The following DCLK2 variants were observed in gnomAD, a reference collection of about 807,000 sequenced individuals.
The protein encoded by DCLK2 is serine/threonine-protein kinase DCLK2.
A neutral mutation model predicts 78.4 loss-of-function variants in DCLK2; 31 were observed. That is an observed-to-expected ratio of 0.40 (90% CI 0.30 to 0.53). The LOEUF is 0.53. Among genes scored for constraint, DCLK2 ranks in the 20% least tolerant of loss-of-function variants. The pLI, the probability that DCLK2 is intolerant of heterozygous loss-of-function variation, is 0.61. For missense variants in DCLK2, 872 were observed against 973.7 expected, an observed-to-expected ratio of 0.90 and a Z score of 1.39; for synonymous variants, 407 against 374.9, an observed-to-expected ratio of 1.09 and a Z score of -0.99.
chr4:150,218,395 C>T (rs1740909240), intron 5 of DCLK2, among the ~76,000 whole-genome samples: 1 of 152,176 alleles, frequency 6.6e-6, no homozygotes, highest in South Asian at 2.1e-4. Flanking sequence ...TGAAAATGTA[C>T]ATTGAAGTAG....
chr4:150,178,136 G>A (rs1281728062), intron 2 of DCLK2, among the ~76,000 whole-genome samples: 5 of 152,120 alleles, frequency 3.3e-5, no homozygotes, highest in African/African-American at 1.2e-4. Flanking sequence ...ACGTAAATGG[G>A]GGCAGAGGTT....
At chr4:150,149,183 C>T (rs1292434334) in intron 2 of DCLK2, among the ~76,000 whole-genome samples, 1 of 152,080 alleles carries the variant, frequency 6.6e-6, no homozygotes, top group Non-Finnish European at 1.5e-5. Context: ...TCAGACCCCC[C>T]ACCCCTCAAA....
chr4:150,090,121 A>G (rs980910326), intron 1 of DCLK2, among the ~76,000 whole-genome samples: 4 of 152,162 alleles, frequency 2.6e-5, no homozygotes, highest in Non-Finnish European at 2.9e-5. Flanking sequence ...TAAACGCCCT[A>G]TGGGCTGGGC....
At chr4:150,227,832 A>G (rs966662352) in intron 8 of DCLK2, among the ~76,000 whole-genome samples, 1 of 152,212 alleles carries the variant, frequency 6.6e-6, no homozygotes, top group East Asian at 1.9e-4. Flanking sequence ...ACATGGGCCC[A>G]GGCAGGACAT....
chr4:150,250,815 C>T (rs1580801678), intron 15 of DCLK2, among the ~76,000 whole-genome samples: 1 of 150,756 alleles, frequency 6.6e-6, no homozygotes, highest in African/African-American at 2.4e-5. Flanking sequence ...GACGCAGGGT[C>T]TAGATAGAAG....
At chr4:150,184,703 G>A (rs59325226) in intron 2 of DCLK2, among the ~76,000 whole-genome samples, 5,339 of 150,834 alleles carry the variant, frequency 0.035, 288 homozygotes, top group African/African-American at 0.12. Context: ...CTGGGTTCAC[G>A]CCATTCTCCT....
rs1258687291 is a variant in DCLK2 at position 150,078,894 on chromosome 4, G to A, written c.-134G>A. 1.7e-6 allele frequency: 2 copies of A among 1,207,986 alleles called. No homozygotes were observed. Among genetic ancestry groups the A allele is most frequent in the East Asian group, 3.0e-5 (1 of 33,538 alleles). The allele number at this position is 1,207,986 out of a possible 1,614,324, so 74.8% of individuals were successfully genotyped here. On this transcript the variant is annotated 5_prime_UTR_variant, in exon 1 of 16. Coordinates refer to ENST00000296550, the MANE Select transcript of DCLK2 (RefSeq NM_001040260.4). The stretch of plus-strand genomic sequence containing the variant: ...TCCGCGGCTCCTCGGCCCCACCTGC[G>A]CGGAGAGGGCGGGATGCCAGAGCCA...
chr4:150,103,954 C>G (rs1054510743), intron 2 of DCLK2, among the ~76,000 whole-genome samples: 3 of 151,828 alleles, frequency 2.0e-5, no homozygotes, highest in African/African-American at 4.8e-5. Context: ...CAGTACAACA[C>G]AAAACACCTT....
chr4:150,094,766 C>T (rs2150143604), intron 1 of DCLK2, among the ~76,000 whole-genome samples: 1 of 152,338 alleles, frequency 6.6e-6, no homozygotes, highest in Middle Eastern at 3.4e-3. Context: ...CTGTTGTATT[C>T]CAGGTCCTGT....
intron 2 of DCLK2, among the ~76,000 whole-genome samples, chr4:150,169,342 A>C (rs1736332918): frequency 6.6e-6 from 1 of 152,212 alleles, no homozygotes; most frequent in Admixed American, 6.5e-5. Flanking sequence ...TGATTCGTAC[A>C]TCAGGCAGCC....
At chr4:150,166,123 A>C (rs1378092017) in intron 2 of DCLK2, among the ~76,000 whole-genome samples, 1 of 152,238 alleles carries the variant, frequency 6.6e-6, no homozygotes, top group African/African-American at 2.4e-5. Flanking sequence ...AGAAGACACC[A>C]GGTGTCCGAG....
Position 150,131,381 on chromosome 4 carries a change from T to TA in DCLK2, c.756+28575dup, listed in dbSNP as rs982572862. Among the ~76,000 whole-genome samples, 6 of 152,274 alleles carry TA rather than the reference T, an allele frequency of 3.9e-5. 1 individual carries two copies. The highest frequency in any genetic ancestry group is 1.4e-4 in the African/African-American group (6 of 41,540). On this transcript the variant is annotated intron_variant, in intron 2 of 15. Transcript: ENST00000296550. ...ACAAATTGCTTGTGTGGGAGGTTTTTAAAAAAGTAGATATTCTTTGTATGA... is the reference window on the plus strand; with the variant it reads ...ACAAATTGCTTGTGTGGGAGGTTTTTAAAAAAAGTAGATATTCTTTGTATGA...
At chr4:150,169,338 G>A (rs982774740) in intron 2 of DCLK2, among the ~76,000 whole-genome samples, 1 of 152,142 alleles carries the variant, frequency 6.6e-6, no homozygotes, top group Non-Finnish European at 1.5e-5. Flanking sequence ...AGAATGATTC[G>A]TACATCAGGC....
chr4:150,165,864 C>T (rs1736026228), intron 2 of DCLK2, among the ~76,000 whole-genome samples: 1 of 152,220 alleles, frequency 6.6e-6, no homozygotes, highest in South Asian at 2.1e-4. Flanking sequence ...GCAGAGCCCT[C>T]ATGAATGGAC....
chr4:150,095,363 CTG>C (rs1391637452), intron 1 of DCLK2, among the ~76,000 whole-genome samples: 6 of 152,220 alleles, frequency 3.9e-5, no homozygotes, highest in African/African-American at 9.6e-5. Flanking sequence ...ATTTCAAACT[CTG>C]TATGAATTAA....
intron 2 of DCLK2, among the ~76,000 whole-genome samples, chr4:150,179,661 A>C (rs1457167920): frequency 1.3e-5 from 2 of 152,178 alleles, no homozygotes. Flanking sequence ...TGATTTAAAA[A>C]TTTTAAAGGT....
In DCLK2 at chr4:150,256,083, C is replaced by T. The variant is rs1400965746; in HGVS notation, c.2137C>T (p.Pro713Ser). Residue 713 changes from proline to serine, a missense_variant, in exon 16 of 16, where the codon CCT becomes TCT. Around this residue, in one of 3 missense-constraint regions of DCLK2, gnomAD observed 219 missense variants for 230.1 expected, o/e 0.95. Transcript: ENST00000296550. The stretch of plus-strand genomic sequence containing the variant: ...CAAGCACTGTCAAGACAGCGGCAGG[C>T]CTGGGATGGAGCCCATCTCTCCAGT... ...CSKHCQDSGR[P>S]GMEPISPVPP... 1.2e-6 allele frequency: 2 copies of T among 1,613,110 alleles called. No homozygotes were observed. Among genetic ancestry groups the T allele is most frequent in the Non-Finnish European group, 1.7e-6 (2 of 1,179,924 alleles).
chr4:150,154,693 G>A (rs534214207), intron 2 of DCLK2, among the ~76,000 whole-genome samples: 8 of 152,244 alleles, frequency 5.3e-5, no homozygotes, highest in African/African-American at 1.9e-4. Flanking sequence ...AATGGAAGTG[G>A]GGTGATGGTT....
In DCLK2 at chr4:150,136,389, T is replaced by C. The variant is rs553033407; in HGVS notation, c.756+33577T>C. 3.3e-5 allele frequency among the ~76,000 whole-genome samples: 5 copies of C among 152,326 alleles called. No individual in the cohort carries two copies. In the South Asian group the frequency reaches 1.0e-3, roughly 32 times the overall value. The stretch of plus-strand genomic sequence containing the variant: ...CTGACCATCACTGTGATCTGTGATA[T>C]CACCCACAGTAATTGAAGTACCTGG... On this transcript the variant is annotated intron_variant, in intron 2 of 15. Coordinates refer to ENST00000296550, the MANE Select transcript of DCLK2 (RefSeq NM_001040260.4).
Sources: gnomAD v4.1 joint callset for allele counts (sites outside exome capture counted in the v4.1 genomes callset) on GRCh38, gnomAD v4.1.1 for gene constraint, gnomAD v4.1.1 regional missense constraint, MANE v1.5 for transcripts, NCBI Gene and HGNC (gene_info 2026-07-23, HGNC 2026-07-21) for gene names.